Variants in PCNX2 observed in about 807,000 individuals in gnomAD.
PCNX2 encodes pecanex-like protein 2.
Under a neutral mutation model 223.8 loss-of-function variants are expected in PCNX2, and 168 were observed. That is an observed-to-expected ratio of 0.75 (90% CI 0.66 to 0.85). PCNX2 has a LOEUF of 0.85. PCNX2 is among the 40% of genes least tolerant of loss of function. The probability of loss-of-function intolerance (pLI) is 0.00; values close to 1 mark genes in which losing one functional copy is unlikely to be tolerated. For missense variants in PCNX2, 2,507 were observed against 2,675.5 expected, an observed-to-expected ratio of 0.94 and a Z score of 1.39; for synonymous variants, 1,006 against 1,052.6, an observed-to-expected ratio of 0.96 and a Z score of 0.86.
chr1:233,009,022 G>A (rs1670375748), intron 28 of PCNX2, among the ~76,000 whole-genome samples: 1 of 152,192 alleles, frequency 6.6e-6, no homozygotes, highest in South Asian at 2.1e-4. Flanking sequence ...GAGATGTTGT[G>A]GACAGCGGGA....
At chr1:233,272,879 G>A (rs898210865) in intron 1 of PCNX2, among the ~76,000 whole-genome samples, 1 of 152,164 alleles carries the variant, frequency 6.6e-6, no homozygotes, top group African/African-American at 2.4e-5. Context: ...ATTATTCTAA[G>A]TGAAGTAACT....
chr1:233,263,008 A>G lies in PCNX2; in HGVS notation c.309T>C (p.Asn103=). The G allele has an allele frequency of 1.2e-6, 2 of 1,613,622 alleles. No homozygotes were observed. The highest frequency in any genetic ancestry group is 1.7e-6 in the Non-Finnish European group (2 of 1,179,794). Residue 103 remains asparagine (N), a synonymous_variant, in exon 2 of 34, where the codon AAT becomes AAC. Transcript: ENST00000258229. ...QKPSRKEEKP[N]KDKEAKGEHI... ...GTTCACCTTTGGCCTCCTTGTCTTT[A>G]TTTGGCTTTTCTTCCTTTCTGGAGG... is the stretch of plus-strand genomic sequence containing the variant.
At chr1:233,149,342 A>C (rs1325337637) in intron 19 of PCNX2, among the ~76,000 whole-genome samples, 6 of 152,210 alleles carry the variant, frequency 3.9e-5, no homozygotes, top group Non-Finnish European at 1.5e-5. Flanking sequence ...GTTAATAAAA[A>C]TCCTCAGGAT....
intron 10 of PCNX2, among the ~76,000 whole-genome samples, chr1:233,220,495 G>A (rs1045350267): frequency 2.0e-5 from 3 of 152,064 alleles, no homozygotes; most frequent in African/African-American, 7.2e-5. Flanking sequence ...GTGTGTAGTG[G>A]TATCTCATTG....
rs200562385 is a variant in PCNX2, at chr1:233,200,199, T to C, written c.2929A>G (p.Thr977Ala). ...GLFPQINTFCTYLLEQIDMLF... is the reference protein window; with the variant it reads ...GLFPQINTFCAYLLEQIDMLF... ...ATGTCAATTTGCTCCAAAAGATAAGTGCAGAAAGTGTTGATTTGCGGGAAG... is the reference window on the plus strand; with the variant it reads ...ATGTCAATTTGCTCCAAAAGATAAGCGCAGAAAGTGTTGATTTGCGGGAAG... Residue 977 changes from threonine (T) to alanine (A), a missense_variant, in exon 14 of 34, where the codon ACT becomes GCT. Physicochemically the swap from Thr to Ala is moderately conservative, Grantham distance 58 (BLOSUM62 0). Coordinates refer to ENST00000258229, the MANE Select transcript of PCNX2 (RefSeq NM_014801.4). 2.6e-4 allele frequency: 420 copies of C among 1,595,866 alleles called. No homozygotes were observed. The African/African-American group carries it at 5.0e-3, about 19-fold the overall frequency.
At chr1:233,249,285 T>G (rs535676377) in intron 8 of PCNX2, among the ~76,000 whole-genome samples, 18 of 152,314 alleles carry the variant, frequency 1.2e-4, no homozygotes, top group African/African-American at 4.1e-4. Flanking sequence ...TCTTGTAACT[T>G]TACTTTGGGA....
chr1:233,064,466 C>A (rs1261358113), intron 23 of PCNX2, among the ~76,000 whole-genome samples: 1 of 152,202 alleles, frequency 6.6e-6, no homozygotes, highest in Non-Finnish European at 1.5e-5. Context: ...TTCACTTCTT[C>A]ACTGATGGGG....
intron 21 of PCNX2, among the ~76,000 whole-genome samples, chr1:233,124,066 T>C (rs1020016255): frequency 1.3e-5 from 2 of 152,222 alleles, no homozygotes; most frequent in Non-Finnish European, 2.9e-5. Flanking sequence ...GAATATAAAG[T>C]TTCTACTGCA....
intron 23 of PCNX2, among the ~76,000 whole-genome samples, chr1:233,080,683 T>C (rs1407062473): frequency 6.6e-6 from 1 of 152,014 alleles, no homozygotes. Context: ...ACTAATTCCA[T>C]GCATAAGAGC....
At chr1:233,012,862 A>AT (rs1458504998) in intron 28 of PCNX2, among the ~76,000 whole-genome samples, 1 of 152,244 alleles carries the variant, frequency 6.6e-6, no homozygotes, top group Non-Finnish European at 1.5e-5. Flanking sequence ...GCTTATTTTA[A>AT]TCATCTTCCC....
At chr1:233,170,492 T>C (rs1239397883) in intron 17 of PCNX2, among the ~76,000 whole-genome samples, 1 of 152,194 alleles carries the variant, frequency 6.6e-6, no homozygotes, top group Non-Finnish European at 1.5e-5. Context: ...AATGGAGATA[T>C]CTGGTTTTCT....
At chr1:233,071,099 T>C (rs999307949) in intron 23 of PCNX2, among the ~76,000 whole-genome samples, 19 of 152,076 alleles carry the variant, frequency 1.2e-4, no homozygotes, top group Non-Finnish European at 2.1e-4. Flanking sequence ...TGGTGAAAAA[T>C]TGAATTACTT....
intron 1 of PCNX2, 80 bp from the exon 2 acceptor site, chr1:233,263,243 C>A: frequency 8.2e-7 from 1 of 1,226,960 alleles, no homozygotes; most frequent in South Asian, 1.6e-5. Flanking sequence ...CATTTTTAGA[C>A]TATCTATTGA....
At chr1:232,996,774 G>A (rs1045802251) in intron 32 of PCNX2, among the ~76,000 whole-genome samples, 1 of 152,066 alleles carries the variant, frequency 6.6e-6, no homozygotes, top group Non-Finnish European at 1.5e-5. Context: ...TTCCTTGTGG[G>A]CCCCAAGATC....
chr1:233,096,502 T>C (rs1296681046), intron 21 of PCNX2, among the ~76,000 whole-genome samples: 2 of 152,152 alleles, frequency 1.3e-5, no homozygotes, highest in South Asian at 2.1e-4. Flanking sequence ...AAGGATGGAC[T>C]ACTCTGTCTT....
chr1:233,120,256 C>A (rs1200547271), intron 21 of PCNX2, among the ~76,000 whole-genome samples: 2 of 143,298 alleles, frequency 1.4e-5, no homozygotes, highest in Non-Finnish European at 3.1e-5. Context: ...ACAGTAAAAA[C>A]CCAAACAATC....
chr1:233,055,075 G>A (rs775196780), intron 24 of PCNX2, among the ~76,000 whole-genome samples: 1 of 152,194 alleles, frequency 6.6e-6, no homozygotes, highest in Non-Finnish European at 1.5e-5. Flanking sequence ...GCTGCTGAAG[G>A]ACACTTGGGT....
chr1:233,323,088 G>A, the PCNX2 span, among the ~76,000 whole-genome samples: 101 of 152,236 alleles, frequency 6.6e-4, no homozygotes, highest in Admixed American at 2.2e-3. Context: ...AACCCAAGAA[G>A]CTCTGAAAAT....
At chr1:233,062,664 A>G (rs931724511) in intron 23 of PCNX2, among the ~76,000 whole-genome samples, 3 of 152,194 alleles carry the variant, frequency 2.0e-5, no homozygotes, top group African/African-American at 7.2e-5. Flanking sequence ...GTTCCAAGTC[A>G]CCATATTTAA....
Sources: allele counts gnomAD v4.1 joint callset (sites outside exome capture counted in the v4.1 genomes callset), GRCh38; gene constraint gnomAD v4.1.1; transcripts MANE v1.5; gene names NCBI Gene and HGNC (gene_info 2026-07-23, HGNC 2026-07-21).